SDK2: variants seen among roughly 807,000 people sequenced by gnomAD.
SDK2 encodes the protein sidekick cell adhesion molecule 2.
SDK2 carries 105 observed loss-of-function variants against 253.9 expected under a neutral mutation model. The observed-to-expected ratio is 0.41, with a 90% CI of 0.35 to 0.49. The LOEUF (loss-of-function observed/expected upper bound fraction) is 0.49. Ranked by LOEUF, SDK2 falls within the 20% of genes least tolerant of loss-of-function variation. SDK2 has a pLI of 0.06. For synonymous variants in SDK2, 1,249 were observed against 1,234.9 expected (o/e 1.01, Z -0.24); for missense variants, 2,608 against 3,003.0 (o/e 0.87, Z 3.07).
In SDK2 at chr17:73,511,220, C is replaced by G. The variant is rs1034580776; in HGVS notation, c.65-3623G>C. Reference sequence around the variant, plus strand: ...CTGTCATCACTCGTTTGTTTTAAAACAATAACGATCCAGCCCCTGGGTGAT... The same window carrying G: ...CTGTCATCACTCGTTTGTTTTAAAAGAATAACGATCCAGCCCCTGGGTGAT... On this transcript the variant is annotated intron_variant, in intron 1 of 44. Transcript: ENST00000392650. This position sits in a 1 kb window ranked among gnomAD's most constrained non-coding sequence, Gnocchi z 4.9. Among the ~76,000 whole-genome samples the G allele has an allele frequency of 3.3e-5, 5 of 152,210 alleles. No homozygotes were observed. Among genetic ancestry groups the G allele is most frequent in the African/African-American group, 9.7e-5 (4 of 41,448 alleles).
At position 73,365,343 on chromosome 17, in the gene SDK2, C is replaced by T. The variant is rs770899193; in HGVS notation, c.5220G>A (p.Val1740=). Reference sequence around the variant, plus strand: ...ACTGCGGGGCTTCCCAGGACACATTCACTGAGGTTGTGGTCAGCTCACTGA... The same window carrying T: ...ACTGCGGGGCTTCCCAGGACACATTTACTGAGGTTGTGGTCAGCTCACTGA... ...VKFSELTTTS[V]NVSWEAPQFP... The change falls in exon 38 of 45, where the codon GTG becomes GTA. Residue 1740 remains valine (V), a synonymous_variant. Transcript: ENST00000392650. 1.2e-6 allele frequency: 2 copies of T among 1,612,848 alleles called. No individual in the cohort carries two copies. The highest frequency in any genetic ancestry group is 1.7e-6 in the Non-Finnish European group (2 of 1,179,460).
chr17:73,543,474 G>A (rs117905973), intron 1 of SDK2, among the ~76,000 whole-genome samples: 1 of 152,348 alleles, frequency 6.6e-6, no homozygotes, highest in East Asian at 1.9e-4. Context: ...CTATGTAAGC[G>A]ACAGCCCAAT....
intron 36 of SDK2, among the ~76,000 whole-genome samples, chr17:73,378,502 C>A (rs1746754534): frequency 1.3e-5 from 2 of 151,986 alleles, no homozygotes; most frequent in Non-Finnish European, 2.9e-5. Context: ...TCACTGCAAC[C>A]TCTGCCTCCT....
At position 73,379,307 on chromosome 17, in the gene SDK2, G is replaced by A; in HGVS notation, c.4865-15C>T. 8 of 1,548,044 alleles carry A rather than the reference G, an allele frequency of 5.2e-6. No individual in the cohort carries two copies. Among genetic ancestry groups the A allele is most frequent in the Non-Finnish European group, 6.1e-6 (7 of 1,143,114 alleles). On this transcript the variant is annotated splice_polypyrimidine_tract_variant and intron_variant, in intron 35 of 44. Coordinates refer to ENST00000392650, the MANE Select transcript of SDK2 (RefSeq NM_001144952.2). This position sits in a 1 kb window ranked among gnomAD's most constrained non-coding sequence, Gnocchi z 4.5. The stretch of plus-strand genomic sequence containing the variant: ...TGCTGTGGGCACTGGAGGGCGTGCA[G>A]GGTAGGCAGTGAGCATGCGAGTAAA...
At chr17:73,638,461 A>G (rs754624547) in intron 1 of SDK2, among the ~76,000 whole-genome samples, 2 of 152,180 alleles carry the variant, frequency 1.3e-5, no homozygotes, top group Non-Finnish European at 1.5e-5. Flanking sequence ...GATAAGACAT[A>G]TTAGGAGGAA....
intron 33 of SDK2, among the ~76,000 whole-genome samples, chr17:73,381,930 A>C (rs1219759031): frequency 7.0e-6 from 1 of 141,962 alleles, no homozygotes; most frequent in Non-Finnish European, 1.5e-5. Context: ...AACAAAAAAC[A>C]AAAGCCGGGC....
intron 39 of SDK2, among the ~76,000 whole-genome samples, chr17:73,359,760 G>A (rs146512191): frequency 3.3e-4 from 50 of 152,220 alleles, no homozygotes; most frequent in African/African-American, 1.1e-3. Context: ...ATTCTCCCAC[G>A]ACAGCCTCCT....
chr17:73,391,952 C>A (rs1350975430), intron 27 of SDK2, among the ~76,000 whole-genome samples: 1 of 87,460 alleles, frequency 1.1e-5, no homozygotes, highest in Non-Finnish European at 2.0e-5. Flanking sequence ...CAGCCTGCAC[C>A]ACTCCTCTCT....
At chr17:73,491,594 T>C (rs2063806933) in intron 2 of SDK2, among the ~76,000 whole-genome samples, 1 of 152,196 alleles carries the variant, frequency 6.6e-6, no homozygotes, top group African/African-American at 2.4e-5. Flanking sequence ...GTCTCTGTGC[T>C]TGCAAGCGTG....
chr17:73,338,798 G>T lies in SDK2; in HGVS notation c.6308C>A (p.Thr2103Lys), dbSNP rs202216577. 6.2e-6 allele frequency: 10 copies of T among 1,613,958 alleles called. No individual in the cohort carries two copies. The highest frequency in any genetic ancestry group is 8.5e-6 in the Non-Finnish European group (10 of 1,179,880). The change falls in exon 45 of 45, where the codon ACG (threonine) becomes AAG (lysine). Residue 2103 changes from threonine (T) to lysine (K), a missense_variant. Thr to Lys is a moderately conservative substitution (Grantham distance 78, BLOSUM62 -1). This residue lies in a region of SDK2 where 1,103 missense variants were observed against 1,143.9 expected (regional missense o/e 0.96). Coordinates refer to ENST00000392650, the MANE Select transcript of SDK2 (RefSeq NM_001144952.2). The surrounding 1 kb of genome is among the most constrained non-coding windows in gnomAD (Gnocchi z 5.0). Reference sequence around the variant, plus strand: ...GTCTGGCTCACCCGAGTCGCTCTCCGTGTAGCTGTAGGCCTGTGCCCTCGA... The same window carrying T: ...GTCTGGCTCACCCGAGTCGCTCTCCTTGTAGCTGTAGGCCTGTGCCCTCGA... ...GISRAQAYSYTESDSGEPDHT... is the reference protein window; with the variant it reads ...GISRAQAYSYKESDSGEPDHT...
chr17:73,558,331 C>T (rs770588450), intron 1 of SDK2, among the ~76,000 whole-genome samples: 2 of 152,042 alleles, frequency 1.3e-5, no homozygotes. Flanking sequence ...CAGAATTTCT[C>T]CATTAATGAC....
In SDK2 at chr17:73,443,829, T is replaced by G. The variant is rs1377721063; in HGVS notation, c.614-2906A>C. Among the ~76,000 whole-genome samples, 1 of 152,116 alleles carries G rather than the reference T, an allele frequency of 6.6e-6. No homozygotes were observed. The highest frequency in any genetic ancestry group is 2.4e-5 in the African/African-American group (1 of 41,402). On this transcript the variant is annotated intron_variant, in intron 5 of 44. Transcript: ENST00000392650. The surrounding 1 kb of genome is among the most constrained non-coding windows in gnomAD (Gnocchi z 4.6). ...AAATGGGGATGAAAGTCACTACCTC[T>G]CAGGGTTGTATGAATTCAGGCCCCA...
At chr17:73,393,072 C>T (rs552397260) in intron 27 of SDK2, among the ~76,000 whole-genome samples, 15 of 151,708 alleles carry the variant, frequency 9.9e-5, no homozygotes, top group Admixed American at 4.6e-4. Flanking sequence ...TGGTGAAACC[C>T]CAGCTCTACT....
intron 1 of SDK2, among the ~76,000 whole-genome samples, chr17:73,594,653 G>A (rs1303924107): frequency 1.3e-5 from 2 of 151,956 alleles, no homozygotes; most frequent in African/African-American, 2.4e-5. Flanking sequence ...TACACCCATA[G>A]CACACATATG....
intron 44 of SDK2, among the ~76,000 whole-genome samples, chr17:73,345,527 GATTCC>G (rs1473171577): frequency 6.6e-6 from 1 of 152,190 alleles, no homozygotes; most frequent in African/African-American, 2.4e-5. Context: ...TATAGCGTCT[GATTCC>G]ATTTTGTGGG....
intron 39 of SDK2, among the ~76,000 whole-genome samples, chr17:73,360,682 T>C (rs1048542464): frequency 2.0e-5 from 3 of 152,006 alleles, no homozygotes; most frequent in Non-Finnish European, 2.9e-5. Context: ...CAGTGGCTCA[T>C]GCCTGTAATC....
chr17:73,614,261 C>T (rs922767136), intron 1 of SDK2, among the ~76,000 whole-genome samples: 1 of 152,206 alleles, frequency 6.6e-6, no homozygotes, highest in Non-Finnish European at 1.5e-5. Context: ...CTGGTTCTTG[C>T]CTCGCTTTAC....
chr17:73,491,374 CTTT>C (rs536017346), intron 2 of SDK2, among the ~76,000 whole-genome samples: 2 of 133,934 alleles, frequency 1.5e-5, no homozygotes, highest in Non-Finnish European at 1.6e-5. Context: ...TGTTTTTTGG[CTTT>C]TTTTTTTTTT....
chr17:73,542,340 G>A (rs531137010), intron 1 of SDK2, among the ~76,000 whole-genome samples: 4 of 152,366 alleles, frequency 2.6e-5, no homozygotes, highest in African/African-American at 9.6e-5. Flanking sequence ...GATGGAGGGG[G>A]TGCTACAAGA....
Sources: gnomAD v4.1 joint callset for allele counts (sites outside exome capture counted in the v4.1 genomes callset) on GRCh38, gnomAD v4.1.1 for gene constraint, gnomAD v4.1.1 regional missense constraint, Gnocchi (gnomAD v3.1) non-coding constraint, MANE v1.5 for transcripts, NCBI Gene and HGNC (gene_info 2026-07-23, HGNC 2026-07-21) for gene names.